Variants in ADGRL3 observed in about 807,000 individuals in gnomAD.
ADGRL3 encodes the protein adhesion G protein-coupled receptor L3, also known as calcium-independent alpha-latrotoxin receptor 3.
ADGRL3 carries 62 observed loss-of-function variants against 153.5 expected under a neutral mutation model. That is an observed-to-expected ratio of 0.40 (90% CI 0.33 to 0.50). The LOEUF (loss-of-function observed/expected upper bound fraction) is 0.50. ADGRL3 is among the 20% of genes least tolerant of loss of function. ADGRL3 has a pLI of 0.47. For missense variants in ADGRL3, 1,641 were observed against 1,859.4 expected (o/e 0.88, Z 2.16); for synonymous variants, 710 against 672.5 (o/e 1.06, Z -0.86).
intron 2 of ADGRL3, among the ~76,000 whole-genome samples, chr4:61,489,902 T>C (rs2098239388): frequency 6.6e-6 from 1 of 152,118 alleles, no homozygotes; most frequent in Non-Finnish European, 1.5e-5. Context: ...TTTATATGTG[T>C]TGATATATTT....
chr4:61,567,034 A>G (rs1394599713), intron 4 of ADGRL3, among the ~76,000 whole-genome samples: 1 of 152,182 alleles, frequency 6.6e-6, no homozygotes, highest in Non-Finnish European at 1.5e-5. Flanking sequence ...CAGGGAAAGG[A>G]TTTGCCAAAT....
chr4:61,229,766 G>A (rs189292849), intron 1 of ADGRL3, among the ~76,000 whole-genome samples: 2 of 152,072 alleles, frequency 1.3e-5, no homozygotes, highest in South Asian at 4.1e-4. Flanking sequence ...AATTAGCTCT[G>A]TGTGGTGGCA....
chr4:61,843,239 T>TA (rs2098061090), intron 9 of ADGRL3, among the ~76,000 whole-genome samples: 1 of 152,184 alleles, frequency 6.6e-6, no homozygotes, highest in Non-Finnish European at 1.5e-5. Context: ...GATATAAACT[T>TA]ATAGATATGC....
intron 13 of ADGRL3, among the ~76,000 whole-genome samples, chr4:61,921,363 T>A (rs181536971): frequency 1.3e-5 from 2 of 152,240 alleles, no homozygotes; most frequent in East Asian, 3.9e-4. Flanking sequence ...AGTTCAACCC[T>A]GCCTCTCATT....
intron 2 of ADGRL3, among the ~76,000 whole-genome samples, chr4:61,412,393 A>G (rs1360460496): frequency 6.6e-6 from 1 of 152,122 alleles, no homozygotes; most frequent in Non-Finnish European, 1.5e-5. Context: ...AGGCCAGTAC[A>G]CTCAATTCTT....
intron 13 of ADGRL3, among the ~76,000 whole-genome samples, chr4:61,915,990 G>C (rs1183251968): frequency 6.6e-6 from 1 of 151,936 alleles, no homozygotes; most frequent in Non-Finnish European, 1.5e-5. Flanking sequence ...AATCCATTTA[G>C]ATGTCAATTA....
chr4:61,740,057 C>T (rs926339306), intron 8 of ADGRL3, among the ~76,000 whole-genome samples: 28 of 152,286 alleles, frequency 1.8e-4, no homozygotes, highest in Middle Eastern at 3.4e-3. Context: ...GCTTTGGACA[C>T]AGGTACCAAA....
intron 1 of ADGRL3, among the ~76,000 whole-genome samples, chr4:61,315,833 C>T (rs961759315): frequency 6.6e-6 from 1 of 152,074 alleles, no homozygotes; most frequent in Non-Finnish European, 1.5e-5. Context: ...AAGTTAAATG[C>T]CAAATGAACT....
chr4:61,510,925 A>G (rs1365083519), intron 3 of ADGRL3, among the ~76,000 whole-genome samples: 1 of 152,060 alleles, frequency 6.6e-6, no homozygotes, highest in Non-Finnish European at 1.5e-5. Flanking sequence ...TGTTTGTGTC[A>G]TCTCTGATTT....
chr4:61,701,238 G>A (rs531632498), intron 6 of ADGRL3, among the ~76,000 whole-genome samples: 17 of 152,084 alleles, frequency 1.1e-4, no homozygotes, highest in East Asian at 9.7e-4. Context: ...ATAAACTAAC[G>A]TCACAAAAAG....
chr4:61,863,848 G>A (rs2098374173), intron 9 of ADGRL3, among the ~76,000 whole-genome samples: 1 of 152,152 alleles, frequency 6.6e-6, no homozygotes, highest in Non-Finnish European at 1.5e-5. Context: ...GTCTGGCATG[G>A]TCTTAGCAAA....
chr4:61,436,402 A>G (rs886700976), intron 2 of ADGRL3, among the ~76,000 whole-genome samples: 2 of 152,220 alleles, frequency 1.3e-5, no homozygotes, highest in Admixed American at 6.5e-5. Context: ...GAAAACATGC[A>G]TATGGATTTA....
intron 4 of ADGRL3, among the ~76,000 whole-genome samples, chr4:61,575,942 T>C (rs1028729178): frequency 3.3e-5 from 5 of 152,068 alleles, no homozygotes; most frequent in Admixed American, 2.0e-4. Flanking sequence ...CAATGGTATA[T>C]TTTGTGGTTG....
chr4:61,907,748 A>G (rs1296239025), intron 11 of ADGRL3, among the ~76,000 whole-genome samples: 4 of 152,118 alleles, frequency 2.6e-5, no homozygotes, highest in African/African-American at 9.7e-5. Flanking sequence ...TTTTGCAAAA[A>G]TTGATATTAT....
intron 1 of ADGRL3, among the ~76,000 whole-genome samples, chr4:61,261,111 A>C (rs1159107385): frequency 2.0e-5 from 3 of 148,092 alleles, no homozygotes; most frequent in Non-Finnish European, 3.0e-5. Context: ...TGATCCTCCC[A>C]CTTCAGCCTC....
intron 4 of ADGRL3, among the ~76,000 whole-genome samples, chr4:61,581,116 G>T (rs2098922940): frequency 6.6e-6 from 1 of 152,050 alleles, no homozygotes; most frequent in Non-Finnish European, 1.5e-5. Context: ...AAAGAAGAAA[G>T]AATATTTTGA....
chr4:61,487,039 T>C (rs1278171743), intron 2 of ADGRL3, among the ~76,000 whole-genome samples: 1 of 152,210 alleles, frequency 6.6e-6, no homozygotes, highest in Non-Finnish European at 1.5e-5. Flanking sequence ...TATTTTAGTG[T>C]ATAGCTATAC....
intron 9 of ADGRL3, among the ~76,000 whole-genome samples, chr4:61,886,740 C>T (rs2098541575): frequency 6.6e-6 from 1 of 152,006 alleles, no homozygotes; most frequent in Non-Finnish European, 1.5e-5. Context: ...CTCCTGGGTT[C>T]AGGCAATTCT....
At chr4:61,876,102 GT>G (rs33949547) in intron 9 of ADGRL3, among the ~76,000 whole-genome samples, 143 of 151,056 alleles carry the variant, frequency 9.5e-4, no homozygotes, top group Admixed American at 6.6e-3. Flanking sequence ...TCATCAAATA[GT>G]TTTTTTTTCC....
Sources: gnomAD v4.1 joint callset for allele counts (sites outside exome capture counted in the v4.1 genomes callset) on GRCh38, gnomAD v4.1.1 for gene constraint, MANE v1.5 for transcripts, NCBI Gene and HGNC (gene_info 2026-07-23, HGNC 2026-07-21) for gene names.